The following GPRC5C variants were observed in gnomAD, a reference collection of about 807,000 sequenced individuals.
GPRC5C encodes the protein G protein-coupled receptor family C group 5 member C.
Under a neutral mutation model 31.4 loss-of-function variants are expected in GPRC5C, and 22 were observed. That is an observed-to-expected ratio of 0.70 (90% CI 0.50 to 1.00). The LOEUF (loss-of-function observed/expected upper bound fraction) is 1.00, where lower values mean the gene tolerates loss of function less well. Ranked by LOEUF, GPRC5C falls within the 50% of genes least tolerant of loss-of-function variation. The probability of loss-of-function intolerance (pLI) is 0.00; values close to 1 mark genes in which losing one functional copy is unlikely to be tolerated. For synonymous variants in GPRC5C, 249 were observed against 257.5 expected (o/e 0.97, Z 0.32); for missense variants, 557 against 597.2 (o/e 0.93, Z 0.70).
intron 1 of GPRC5C, among the ~76,000 whole-genome samples, chr17:74,435,565 C>T (rs73348388): frequency 2.0e-5 from 3 of 152,184 alleles, no homozygotes; most frequent in African/African-American, 4.8e-5. Context: ...ACAGGCTCCT[C>T]TCTCATTCCT....
At chr17:74,433,114 G>T (rs1394312414) in intron 1 of GPRC5C, among the ~76,000 whole-genome samples, 1 of 151,966 alleles carries the variant, frequency 6.6e-6, no homozygotes, top group Non-Finnish European at 1.5e-5. Flanking sequence ...CCATCCCCAG[G>T]CCCGCAGTGT....
intron 1 of GPRC5C, among the ~76,000 whole-genome samples, chr17:74,433,055 G>A (rs1242968026): frequency 6.6e-6 from 1 of 151,998 alleles, no homozygotes; most frequent in Admixed American, 6.6e-5. Flanking sequence ...CTGGCCCCTA[G>A]ATCCCGAACC....
chr17:74,451,027 GAGT>G (rs1414465433), downstream of GPRC5C: 1 of 152,234 alleles, frequency 6.6e-6, no homozygotes, highest in Non-Finnish European at 1.5e-5. Flanking sequence ...AATCCCTGCA[GAGT>G]AGGATTGCAG....
At chr17:74,433,820 T>C in intron 1 of GPRC5C, 1 of 1,192,994 alleles carries the variant, frequency 8.4e-7, no homozygotes, top group Non-Finnish European at 1.3e-6. Context: ...GCGGTATCCT[T>C]GGCCCTGGTG....
chr17:74,437,079 G>A (rs1250952407), intron 1 of GPRC5C, among the ~76,000 whole-genome samples: 1 of 152,104 alleles, frequency 6.6e-6, no homozygotes, highest in Admixed American at 6.5e-5. Context: ...GAGTAGCTGG[G>A]ATTACAGGCG....
At chr17:74,448,145 C>CA (rs1033858819), downstream of GPRC5C, among the ~76,000 whole-genome samples, 73 of 149,978 alleles carry the variant, frequency 4.9e-4, no homozygotes, top group East Asian at 9.0e-3. Flanking sequence ...CTTGTTTCTA[C>CA]AAAAAAAAAA....
chr17:74,433,490 G>C (rs567722480), intron 1 of GPRC5C, among the ~76,000 whole-genome samples: 1 of 152,212 alleles, frequency 6.6e-6, no homozygotes, highest in Non-Finnish European at 1.5e-5. Flanking sequence ...CTCCTTCCAG[G>C]CACAGGCGTC....
chr17:74,437,877 C>T (rs2055457305), intron 1 of GPRC5C, among the ~76,000 whole-genome samples: 1 of 152,054 alleles, frequency 6.6e-6, no homozygotes, highest in Admixed American at 6.6e-5. Flanking sequence ...ACCAGGAAAG[C>T]TTGGTTGCTG....
At chr17:74,443,300 A>G (rs1405954713) in intron 2 of GPRC5C, 1 of 242,710 alleles carries the variant, frequency 4.1e-6, no homozygotes, top group South Asian at 4.2e-5. Context: ...CTCCCTGGCC[A>G]GGCTCTGGGT....
At chr17:74,443,556 T>G (rs1567963139) in intron 2 of GPRC5C, 9 of 626,712 alleles carry the variant, frequency 1.4e-5, no homozygotes, top group South Asian at 1.4e-4. Flanking sequence ...GGTCAGGGGC[T>G]GGGGTGTCTA....
chr17:74,433,593 G>A, intron 1 of GPRC5C: 4 of 858,926 alleles, frequency 4.7e-6, no homozygotes, highest in Non-Finnish European at 8.0e-6. Context: ...GGGAGAGACC[G>A]ATAGGAGTGG....
rs560637076 is a variant in GPRC5C, at chr17:74,438,421, C to T, written c.-32-1324C>T. ...TATTATAGGCGTGCACCTCCACGCC[C>T]GGCTAATTTTTGTATTTTTAGTAGA... On this transcript the variant is annotated intron_variant, in intron 1 of 3. Transcript: ENST00000392627. Among the ~76,000 whole-genome samples the T allele has an allele frequency of 8.1e-4, 123 of 151,604 alleles. 1 individual carries two copies. Among genetic ancestry groups the T allele is most frequent in the Middle Eastern group, 6.8e-3 (2 of 294 alleles).
chr17:74,434,541 A>C (rs2055403383), intron 1 of GPRC5C, among the ~76,000 whole-genome samples: 1 of 152,220 alleles, frequency 6.6e-6, no homozygotes, highest in Non-Finnish European at 1.5e-5. Flanking sequence ...GGGGACCCAC[A>C]GGAGGCAGAA....
At position 74,440,571 on chromosome 17, in the gene GPRC5C, C is replaced by T. The variant is rs760203671; in HGVS notation, c.795C>T (p.Tyr265=). ...TGGTGTGGATCGTCATGTATACTTA[C>T]GGCAACAAGCAGCACAACAGTCCCA... ...IWVVWIVMYT[Y]GNKQHNSPTW... The change falls in exon 2 of 4, where the codon TAC becomes TAT. Residue 265 remains tyrosine (Y), a synonymous_variant. Transcript: ENST00000392627. The surrounding 1 kb of genome is among the most constrained non-coding windows in gnomAD (Gnocchi z 4.4). 41 of 1,613,886 alleles carry T rather than the reference C, an allele frequency of 2.5e-5. No homozygotes were observed. In the African/African-American group the frequency reaches 4.3e-4, roughly 17 times the overall value.
downstream of GPRC5C, chr17:74,449,013 A>C (rs2055682434): frequency 2.8e-6 from 2 of 724,982 alleles, no homozygotes; most frequent in African/African-American, 3.6e-5. Context: ...GGGGGCTGCC[A>C]GGCCGGCCCC....
downstream of GPRC5C, chr17:74,449,489 C>T: frequency 5.4e-6 from 3 of 550,820 alleles, no homozygotes; most frequent in South Asian, 5.0e-5. Context: ...GGCCACCAAC[C>T]TGAAGCAGTG....
rs770600975 is a variant in GPRC5C, at chr17:74,439,977, C to T, written c.201C>T (p.Leu67=). The part of the protein sequence containing the change: ...AGAGIVTTFV[L]TIILVASLPF... ...CGGGCATTGTCACCACGTTTGTGCT[C>T]ACCATCATCCTGGTGGCCAGCCTCC... Residue 67 remains leucine (L), a synonymous_variant, in exon 2 of 4, where the codon CTC becomes CTT. Coordinates refer to ENST00000392627, the MANE Select transcript of GPRC5C (RefSeq NM_022036.4). 1.9e-6 allele frequency: 3 copies of T among 1,610,110 alleles called. No individual in the cohort carries two copies. The highest frequency in any genetic ancestry group is 1.1e-5 in the South Asian group (1 of 91,088).
At chr17:74,433,025 G>A (rs896158142) in intron 1 of GPRC5C, among the ~76,000 whole-genome samples, 11 of 151,974 alleles carry the variant, frequency 7.2e-5, no homozygotes, top group African/African-American at 2.4e-4. Context: ...GACTATCAAA[G>A]CGCCTCCCCT....
At chr17:74,432,174 T>C in intron 1 of GPRC5C, 33 bp downstream of exon 1, 1 of 1,595,348 alleles carries the variant, frequency 6.3e-7, no homozygotes, top group Non-Finnish European at 8.5e-7. Flanking sequence ...GGGCAGGCTT[T>C]GTTCCTGTGT....
Sources: gnomAD v4.1 joint callset for allele counts (sites outside exome capture counted in the v4.1 genomes callset) on GRCh38, gnomAD v4.1.1 for gene constraint, Gnocchi (gnomAD v3.1) non-coding constraint, MANE v1.5 for transcripts, NCBI Gene and HGNC (gene_info 2026-07-23, HGNC 2026-07-21) for gene names.